The following STAP1 variants were observed in gnomAD, a reference collection of about 807,000 sequenced individuals.
The protein encoded by STAP1 is signal-transducing adaptor protein 1.
A neutral mutation model predicts 37.8 loss-of-function variants in STAP1; 30 were observed. That is an observed-to-expected ratio of 0.79 (90% CI 0.59 to 1.08). STAP1 has a LOEUF of 1.08. STAP1 is among the 50% of genes least tolerant of loss of function. The pLI is 0.00. For missense variants in STAP1, 357 were observed against 349.4 expected (o/e 1.02, Z -0.17); for synonymous variants, 130 against 116.0 (o/e 1.12, Z -0.78).
At chr4:67,580,712 C>A (rs1426868819) in intron 4 of STAP1, among the ~76,000 whole-genome samples, 1 of 152,182 alleles carries the variant, frequency 6.6e-6, no homozygotes, top group African/African-American at 2.4e-5. Context: ...GTGAGTCAAT[C>A]TGAAATACAT....
intron 1 of STAP1, among the ~76,000 whole-genome samples, chr4:67,562,393 C>T (rs1727368903): frequency 6.6e-6 from 1 of 151,972 alleles, no homozygotes; most frequent in African/African-American, 2.4e-5. Context: ...ACACACAGTT[C>T]TCTATGGCAG....
intron 6 of STAP1, among the ~76,000 whole-genome samples, chr4:67,585,160 T>C (rs1727953144): frequency 6.6e-6 from 1 of 152,198 alleles, no homozygotes; most frequent in South Asian, 2.1e-4. Flanking sequence ...GTTCAGTAAA[T>C]GACTTTCTTT....
At chr4:67,591,874 T>C (rs1484041610) in intron 7 of STAP1, among the ~76,000 whole-genome samples, 1 of 152,174 alleles carries the variant, frequency 6.6e-6, no homozygotes, top group African/African-American at 2.4e-5. Flanking sequence ...CTGACTAGAC[T>C]TTTAAAATAA....
chr4:67,592,070 T>C (rs1728130068), intron 7 of STAP1, among the ~76,000 whole-genome samples: 1 of 152,098 alleles, frequency 6.6e-6, no homozygotes, highest in Non-Finnish European at 1.5e-5. Flanking sequence ...TATTCTTTCA[T>C]TTTTCACCCT....
chr4:67,589,424 A>T (rs1405919024), intron 6 of STAP1, among the ~76,000 whole-genome samples: 1 of 152,140 alleles, frequency 6.6e-6, no homozygotes, highest in Admixed American at 6.5e-5. Context: ...GGTGATTTGG[A>T]TATAATGGTG....
chr4:67,581,946 A>T (rs959927861), intron 5 of STAP1, among the ~76,000 whole-genome samples: 2 of 152,214 alleles, frequency 1.3e-5, no homozygotes, highest in African/African-American at 2.4e-5. Context: ...AAAAATAAAG[A>T]AGTGCAGAAA....
At chr4:67,581,284 T>C in intron 4 of STAP1, 21 bp from the exon 5 acceptor site, 1 of 1,605,770 alleles carries the variant, frequency 6.2e-7, no homozygotes, top group Non-Finnish European at 8.5e-7. Context: ...CTTGCCTGCC[T>C]ACTCTTTTAA....
At chr4:67,565,012 G>T (rs1292115603) in intron 1 of STAP1, among the ~76,000 whole-genome samples, 1 of 152,162 alleles carries the variant, frequency 6.6e-6, no homozygotes, top group African/African-American at 2.4e-5. Context: ...TTCCTCACCT[G>T]CTTCCCAGCT....
At chr4:67,599,794 A>T (rs978884645) in intron 8 of STAP1, among the ~76,000 whole-genome samples, 1 of 151,900 alleles carries the variant, frequency 6.6e-6, no homozygotes, top group Non-Finnish European at 1.5e-5. Context: ...GGTGTGTGCC[A>T]CCACGGCTGG....
At chr4:67,601,370 TTAAGATA>T (rs1251330901) in intron 8 of STAP1, among the ~76,000 whole-genome samples, 3 of 152,202 alleles carry the variant, frequency 2.0e-5, no homozygotes, top group South Asian at 2.1e-4. Flanking sequence ...ATCTTTCTAT[TTAAGATA>T]TAAGTAGTTT....
chr4:67,586,999 A>G (rs531098846), intron 6 of STAP1, among the ~76,000 whole-genome samples: 4 of 152,232 alleles, frequency 2.6e-5, no homozygotes, highest in Non-Finnish European at 4.4e-5. Context: ...TTTTCCTTAC[A>G]TGCCAAATCC....
intron 8 of STAP1, among the ~76,000 whole-genome samples, chr4:67,603,656 C>A (rs556887111): frequency 6.6e-6 from 1 of 152,126 alleles, no homozygotes; most frequent in Non-Finnish European, 1.5e-5. Context: ...TGGCCCAGGG[C>A]GTGTCTAGAA....
rs778057386 is a variant in STAP1, at chr4:67,558,941, G to A, written c.120+12G>A. 6.3e-7 allele frequency: 1 copy of A among 1,593,278 alleles called. No homozygotes were observed. Among genetic ancestry groups the A allele is most frequent in the South Asian group, 1.1e-5 (1 of 87,228 alleles). On this transcript the variant is annotated intron_variant, in intron 1 of 8. Transcript: ENST00000265404. The stretch of plus-strand genomic sequence containing the variant: ...GGTCAGGATACCGGGTGAGTCTATA[G>A]ATGATAATGTTAAACCTAAGACTTC...
chr4:67,564,371 A>G (rs779365162), intron 1 of STAP1, among the ~76,000 whole-genome samples: 8 of 152,066 alleles, frequency 5.3e-5, no homozygotes, highest in Non-Finnish European at 1.2e-4. Flanking sequence ...ACTTTACCCA[A>G]TTCATATCAT....
At chr4:67,580,157 C>T (rs1220813939) in intron 4 of STAP1, among the ~76,000 whole-genome samples, 4 of 152,178 alleles carry the variant, frequency 2.6e-5, no homozygotes, top group Non-Finnish European at 5.9e-5. Flanking sequence ...TGCGCCCTCC[C>T]GTATAACAAT....
At chr4:67,559,979 ATT>A (rs775877680) in intron 1 of STAP1, among the ~76,000 whole-genome samples, 12 of 152,100 alleles carry the variant, frequency 7.9e-5, no homozygotes, top group African/African-American at 2.7e-4. Context: ...TTATATTAGA[ATT>A]TTTTAGATTG....
chr4:67,573,228 G>A (rs963809154), intron 2 of STAP1, among the ~76,000 whole-genome samples: 3 of 152,190 alleles, frequency 2.0e-5, no homozygotes, highest in Admixed American at 1.3e-4. Context: ...GAGGAAAGTT[G>A]TGGCTTAATA....
chr4:67,571,321 G>A (rs540352969), intron 2 of STAP1, among the ~76,000 whole-genome samples, 166 bp downstream of exon 2: 7 of 152,274 alleles, frequency 4.6e-5, no homozygotes, highest in East Asian at 3.9e-4. Context: ...TCACAGGAAC[G>A]ATGGTAAATT....
chr4:67,603,978 T>C (rs1243759974), intron 8 of STAP1, among the ~76,000 whole-genome samples: 1 of 152,146 alleles, frequency 6.6e-6, no homozygotes, highest in Non-Finnish European at 1.5e-5. Flanking sequence ...AAACTGCCTT[T>C]CAAATTTATT....
Sources: allele counts gnomAD v4.1 joint callset (sites outside exome capture counted in the v4.1 genomes callset), GRCh38; gene constraint gnomAD v4.1.1; transcripts MANE v1.5; gene names NCBI Gene and HGNC (gene_info 2026-07-23, HGNC 2026-07-21).